The following ERC1 variants were observed in gnomAD, a reference collection of about 807,000 sequenced individuals.
The protein encoded by ERC1 is RAB6 interacting protein 2.
ERC1 carries 56 observed loss-of-function variants against 132.0 expected under a neutral mutation model. The observed-to-expected ratio is 0.42, with a 90% confidence interval of 0.34 to 0.53. The LOEUF is 0.53. Among genes scored for constraint, ERC1 ranks in the 20% least tolerant of loss-of-function variants. ERC1 has a pLI of 0.03. For synonymous variants in ERC1, 478 were observed against 476.1 expected (o/e 1.00, Z -0.05); for missense variants, 1,202 against 1,349.9 (o/e 0.89, Z 1.72).
Position 1,371,404 on chromosome 12 carries a change from G to C in ERC1, c.2781-429G>C, listed in dbSNP as rs546263820. ...ATTCGCCTGAATGGGATTCCTGGCT[G>C]TACCATTTACTCCAGGTGTGAACTT... On this transcript the variant is annotated intron_variant, in intron 15 of 18. Transcript: ENST00000360905. Among the ~76,000 whole-genome samples, 7 of 152,318 alleles carry C rather than the reference G, an allele frequency of 4.6e-5. No individual in the cohort carries two copies. In the South Asian group the frequency reaches 1.4e-3, roughly 32 times the overall value.
intron 18 of ERC1, among the ~76,000 whole-genome samples, chr12:1,459,553 C>T (rs776875861): frequency 4.6e-5 from 7 of 152,036 alleles, no homozygotes; most frequent in Admixed American, 2.0e-4. Flanking sequence ...ATAATGTAGA[C>T]GGAATTATGG....
intron 15 of ERC1, among the ~76,000 whole-genome samples, chr12:1,319,324 A>G (rs552392881): frequency 9.9e-5 from 15 of 152,144 alleles, no homozygotes; most frequent in Non-Finnish European, 2.2e-4. Context: ...TAAGGATAGT[A>G]TTTACCTCTG....
chr12:1,400,953 T>TTTTTG lies in ERC1; in HGVS notation c.2926-7196_2926-7195insTTTTG, dbSNP rs1477365626. Among the ~76,000 whole-genome samples the TTTTTG allele has an allele frequency of 3.2e-4, 29 of 90,338 alleles. 4 individuals are homozygous for TTTTTG. Among genetic ancestry groups the TTTTTG allele is most frequent in the Non-Finnish European group, 4.0e-4 (17 of 42,172 alleles). The allele number at this position is 90,338 out of a possible 152,430, so 59.3% of individuals were successfully genotyped here. On this transcript the variant is annotated intron_variant, in intron 16 of 18. Coordinates refer to ENST00000360905, the MANE Select transcript of ERC1 (RefSeq NM_178040.4). Reference sequence around the variant, plus strand: ...TTTTTTTTTTTTTTTTTTTTTTTTTTGTGACGGAGTCTTGCTCTATCGCCC... The same window carrying TTTTTG: ...TTTTTTTTTTTTTTTTTTTTTTTTTTTTTTGGTGACGGAGTCTTGCTCTATCGCCC...
At chr12:1,297,621 T>C (rs1284951467) in intron 15 of ERC1, among the ~76,000 whole-genome samples, 1 of 150,042 alleles carries the variant, frequency 6.7e-6, no homozygotes, top group East Asian at 1.9e-4. Context: ...AGACTGAGGA[T>C]TCCTGGGCCC....
intron 18 of ERC1, among the ~76,000 whole-genome samples, chr12:1,483,444 G>T (rs2094130032): frequency 6.6e-6 from 1 of 152,022 alleles, no homozygotes; most frequent in Non-Finnish European, 1.5e-5. Context: ...TTGGCCAGTT[G>T]GTTAATACTT....
rs550235232 is a variant in ERC1, at chr12:1,109,908, C to T, written c.1162-284C>T. Among the ~76,000 whole-genome samples the T allele has an allele frequency of 5.3e-5, 8 of 152,290 alleles. No individual in the cohort carries two copies. In the South Asian group the frequency reaches 1.7e-3, roughly 32 times the overall value. On this transcript the variant is annotated intron_variant, in intron 4 of 18. Transcript: ENST00000360905. Reference sequence around the variant, plus strand: ...ACTAAAAATACAAAAATTAGCTGGGCATGGTAGCGTACACTTGTAATCCCA... The same window carrying T: ...ACTAAAAATACAAAAATTAGCTGGGTATGGTAGCGTACACTTGTAATCCCA...
chr12:1,266,142 A>G (rs1368341530), intron 14 of ERC1, among the ~76,000 whole-genome samples: 2 of 152,146 alleles, frequency 1.3e-5, no homozygotes, highest in Non-Finnish European at 2.9e-5. Context: ...ACAGTCTCCC[A>G]AAGTGGCTGT....
At chr12:1,273,567 T>C (rs994392632) in intron 14 of ERC1, among the ~76,000 whole-genome samples, 9 of 152,240 alleles carry the variant, frequency 5.9e-5, no homozygotes, top group Admixed American at 4.6e-4. Context: ...TCTACCAAGA[T>C]GGTAGCCTCT....
At chr12:1,120,533 T>C (rs1159590076) in intron 7 of ERC1, among the ~76,000 whole-genome samples, 1 of 152,228 alleles carries the variant, frequency 6.6e-6, no homozygotes, top group African/African-American at 2.4e-5. Context: ...ACTTTTGATA[T>C]ATCATTTACA....
chr12:1,146,314 T>TG (rs1456336828), intron 8 of ERC1, among the ~76,000 whole-genome samples: 1 of 132,744 alleles, frequency 7.5e-6, no homozygotes, highest in Non-Finnish European at 1.5e-5. Context: ...ACTGGTTTTT[T>TG]TTTTTTTTTT....
intron 8 of ERC1, among the ~76,000 whole-genome samples, chr12:1,164,890 A>G (rs1374862205): frequency 6.6e-6 from 1 of 152,170 alleles, no homozygotes; most frequent in Non-Finnish European, 1.5e-5. Flanking sequence ...ATGATATTGC[A>G]GCCTTATTAA....
At chr12:1,179,167 A>G (rs1377048656) in intron 8 of ERC1, among the ~76,000 whole-genome samples, 1 of 152,166 alleles carries the variant, frequency 6.6e-6, no homozygotes, top group Non-Finnish European at 1.5e-5. Context: ...CCACAGTGTT[A>G]TCTCATAGTA....
At chr12:1,399,907 G>T (rs2090875017) in intron 16 of ERC1, among the ~76,000 whole-genome samples, 1 of 152,102 alleles carries the variant, frequency 6.6e-6, no homozygotes. Flanking sequence ...ATATACCTAG[G>T]ATTGGAATTG....
chr12:1,034,085 C>T (rs1305728783), intron 2 of ERC1, among the ~76,000 whole-genome samples: 1 of 151,834 alleles, frequency 6.6e-6, no homozygotes, highest in East Asian at 1.9e-4. Flanking sequence ...TTTTCTTTTT[C>T]TTGGTAAAAA....
At chr12:1,141,851 G>T in intron 8 of ERC1, 64 bp downstream of exon 8, 3 of 1,248,558 alleles carry the variant, frequency 2.4e-6, no homozygotes, top group Non-Finnish European at 2.1e-6. Flanking sequence ...CTACCACTAA[G>T]TTATTTCTAA....
intron 12 of ERC1, among the ~76,000 whole-genome samples, chr12:1,222,425 G>A (rs1216258130): frequency 1.3e-5 from 2 of 151,748 alleles, no homozygotes; most frequent in African/African-American, 4.8e-5. Context: ...GGGGTTTTGA[G>A]GCTGGTCTCA....
intron 1 of ERC1, among the ~76,000 whole-genome samples, chr12:1,001,682 C>T (rs1350527450): frequency 6.6e-6 from 1 of 152,068 alleles, no homozygotes; most frequent in East Asian, 1.9e-4. Context: ...TTTGACTCAA[C>T]ATTTTGTTTG....
Position 1,393,183 on chromosome 12 carries a change from G to A in ERC1, c.2926-14966G>A, listed in dbSNP as rs116033004. 3.7e-3 allele frequency among the ~76,000 whole-genome samples: 565 copies of A among 152,308 alleles called. 1 individual carries two copies. The highest frequency in any genetic ancestry group is 0.013 in the African/African-American group (543 of 41,560). ...GTTATATTCTTTTCTTACCATGTAT[G>A]GACCATGATTTTGTAAAAAGAAAAG... On this transcript the variant is annotated intron_variant, in intron 16 of 18. Coordinates refer to ENST00000360905, the MANE Select transcript of ERC1 (RefSeq NM_178040.4).
chr12:1,481,972 T>C (rs1383201041), intron 18 of ERC1, among the ~76,000 whole-genome samples: 1 of 152,190 alleles, frequency 6.6e-6, no homozygotes, highest in Non-Finnish European at 1.5e-5. Context: ...TCTTTCAGCT[T>C]CTTAGTCATG....
Sources: allele counts gnomAD v4.1 joint callset (sites outside exome capture counted in the v4.1 genomes callset), GRCh38; gene constraint gnomAD v4.1.1; transcripts MANE v1.5; gene names NCBI Gene and HGNC (gene_info 2026-07-23, HGNC 2026-07-21).